Variants in KIAA2012 observed in about 807,000 individuals in gnomAD.
KIAA2012 encodes KIAA2012.
KIAA2012 carries 125 observed loss-of-function variants against 150.6 expected under a neutral mutation model. The ratio of observed to expected loss-of-function variants is 0.83; its 90% CI spans 0.72 to 0.96. The LOEUF (loss-of-function observed/expected upper bound fraction) is 0.96. KIAA2012 is among the 40% of genes least tolerant of loss of function. The probability of loss-of-function intolerance (pLI) is 0.00; values close to 1 mark genes in which losing one functional copy is unlikely to be tolerated. For synonymous variants in KIAA2012, 462 were observed against 504.7 expected (o/e 0.92, Z 1.13); for missense variants, 1,219 against 1,354.9 (o/e 0.90, Z 1.57).
intron 21 of KIAA2012, 129 bp downstream of exon 21, chr2:202,194,491 A>T (rs1692377905): frequency 4.4e-6 from 4 of 914,384 alleles, no homozygotes; most frequent in Middle Eastern, 7.0e-4. Flanking sequence ...AATATAAACT[A>T]TTTTTCAAAG....
In KIAA2012 at chr2:202,103,128, G is replaced by T; in HGVS notation, c.1324+14G>T. The stretch of plus-strand genomic sequence containing the variant: ...CCCACAGAAGAGGTAGGTCCCGGGT[G>T]CATGGGCACTCCTGAGGGAGAGCCT... On this transcript the variant is annotated intron_variant, in intron 8 of 23. Transcript: ENST00000498697. 1 of 1,549,566 alleles carries T rather than the reference G, an allele frequency of 6.5e-7. No individual in the cohort carries two copies. Among genetic ancestry groups the T allele is most frequent in the Non-Finnish European group, 8.7e-7 (1 of 1,146,810 alleles).
intron 11 of KIAA2012, chr2:202,114,540 G>C (rs930659825): frequency 6.6e-5 from 11 of 167,096 alleles, no homozygotes; most frequent in African/African-American, 2.7e-4. Context: ...CTGCACATTT[G>C]TCCACTCTGT....
chr2:202,166,608 G>T (rs1475485753), intron 15 of KIAA2012, among the ~76,000 whole-genome samples: 3 of 151,040 alleles, frequency 2.0e-5, no homozygotes, highest in African/African-American at 7.3e-5. Context: ...GCTGTGCTAT[G>T]ATCATGCCAC....
chr2:202,132,766 AC>A (rs1690977270), intron 12 of KIAA2012, among the ~76,000 whole-genome samples: 14 of 99,490 alleles, frequency 1.4e-4, no homozygotes, highest in Non-Finnish European at 2.1e-4. Flanking sequence ...GTATATATAT[AC>A]ATATATACAT....
At chr2:202,105,440 C>T (rs1327100784) in intron 8 of KIAA2012, among the ~76,000 whole-genome samples, 5 of 152,180 alleles carry the variant, frequency 3.3e-5, no homozygotes. Flanking sequence ...AGATGTCTTC[C>T]TGCAATTCCA....
intron 15 of KIAA2012, among the ~76,000 whole-genome samples, chr2:202,178,484 A>G (rs1176731952): frequency 1.3e-5 from 2 of 152,126 alleles, no homozygotes; most frequent in African/African-American, 4.8e-5. Flanking sequence ...TTCTAATCAC[A>G]ATGGAAGTTT....
intron 16 of KIAA2012, among the ~76,000 whole-genome samples, chr2:202,185,049 T>C (rs1289645404): frequency 6.6e-6 from 1 of 152,194 alleles, no homozygotes; most frequent in Non-Finnish European, 1.5e-5. Flanking sequence ...TAAATCATAT[T>C]TATTTGGCTG....
At chr2:202,096,077 A>T (rs548379396) in intron 4 of KIAA2012, among the ~76,000 whole-genome samples, 1 of 151,948 alleles carries the variant, frequency 6.6e-6, no homozygotes, top group Non-Finnish European at 1.5e-5. Context: ...GAGTGAGACT[A>T]CGTCCCCCGC....
At chr2:202,112,965 C>T (rs983312280) in intron 10 of KIAA2012, among the ~76,000 whole-genome samples, 1 of 152,142 alleles carries the variant, frequency 6.6e-6, no homozygotes, top group Admixed American at 6.5e-5. Flanking sequence ...AGGCAGGAAG[C>T]AGGAAGCCCT....
chr2:202,196,060 G>T (rs1692407248), intron 21 of KIAA2012, among the ~76,000 whole-genome samples: 2 of 152,144 alleles, frequency 1.3e-5, no homozygotes, highest in Admixed American at 1.3e-4. Flanking sequence ...TGGGATTGCT[G>T]GGTCCAGCCT....
Position 202,202,585 on chromosome 2 carries a change from AAAGT to A in KIAA2012, c.*20+3_*20+6del, listed in dbSNP as rs765321431. ...GGCCTTAAGGCTAGAAGAAAACTAA[AAAGT>A]AAGTTGGGAGATGGTGAAAGAAAAG... is the stretch of plus-strand genomic sequence containing the variant. On this transcript the variant is annotated splice_donor_variant and 3_prime_UTR_variant, in exon 23 of 24. Transcript: ENST00000498697. LOFTEE classifies it low-confidence loss of function (3UTR_SPLICE). 481 of 398,870 alleles carry A rather than the reference AAAGT, an allele frequency of 1.2e-3. No individual in the cohort carries two copies. The highest frequency in any genetic ancestry group is 1.7e-3 in the Non-Finnish European group (380 of 226,066). 24.7% of individuals were successfully genotyped at this position (398,870 alleles called of 1,614,324 possible). A position where few individuals can be genotyped will look rare whatever the true frequency, so the allele number is the denominator to read the frequency against.
rs557574312 is a variant in KIAA2012, at chr2:202,180,780, G to A, written c.2120-3973G>A. On this transcript the variant is annotated intron_variant, in intron 15 of 23. Transcript: ENST00000498697. ...GTAGAGGTTGTAGTGAGCCGAGATC[G>A]CACCACTGCACTCCAGCCTGGGCGA... Among the ~76,000 whole-genome samples, 12 of 152,218 alleles carry A rather than the reference G, an allele frequency of 7.9e-5. 1 individual carries two copies. In the South Asian group the frequency reaches 2.5e-3, roughly 32 times the overall value.
chr2:202,204,275 TC>T (rs1341268840), intron 23 of KIAA2012, among the ~76,000 whole-genome samples: 1 of 151,878 alleles, frequency 6.6e-6, no homozygotes, highest in Non-Finnish European at 1.5e-5. Flanking sequence ...TGGGGTTTCG[TC>T]ATGATGCTCA....
At chr2:202,137,337 G>C (rs1251770234) in intron 12 of KIAA2012, 1 of 127,946 alleles carries the variant, frequency 7.8e-6, no homozygotes, top group Non-Finnish European at 1.6e-5. Context: ...TTTTTTTTGA[G>C]ATGGAGTCTC....
At chr2:202,198,466 A>G (rs151266378) in intron 22 of KIAA2012, among the ~76,000 whole-genome samples, 60 of 152,324 alleles carry the variant, frequency 3.9e-4, no homozygotes, top group African/African-American at 7.5e-4. Context: ...TGGCCCCAAG[A>G]CCAGATCTAA....
At chr2:202,100,210 T>G in intron 6 of KIAA2012, 97 bp from the exon 7 acceptor site, 1 of 1,316,460 alleles carries the variant, frequency 7.6e-7, no homozygotes, top group Non-Finnish European at 1.0e-6. Flanking sequence ...CTGCCTGCCT[T>G]TCTCCCCATT....
At chr2:202,194,014 G>T (rs1303398267) in intron 20 of KIAA2012, among the ~76,000 whole-genome samples, 176 bp from the exon 21 acceptor site, 1 of 152,222 alleles carries the variant, frequency 6.6e-6, no homozygotes, top group Non-Finnish European at 1.5e-5. Flanking sequence ...CAAGCCCGCT[G>T]GGCTCTTTGC....
At chr2:202,141,070 A>G (rs1691187761) in intron 13 of KIAA2012, among the ~76,000 whole-genome samples, 2 of 152,180 alleles carry the variant, frequency 1.3e-5, no homozygotes, top group South Asian at 4.1e-4. Context: ...TTGGAGAGAA[A>G]GCCACAGGGT....
chr2:202,157,344 T>A (rs2105714293), intron 14 of KIAA2012, among the ~76,000 whole-genome samples: 1 of 152,320 alleles, frequency 6.6e-6, no homozygotes, highest in Middle Eastern at 3.4e-3. Flanking sequence ...CCTCCACACC[T>A]GGAGCTGTGT....
Sources: gnomAD v4.1 joint callset for allele counts (sites outside exome capture counted in the v4.1 genomes callset) on GRCh38, gnomAD v4.1.1 for gene constraint, MANE v1.5 for transcripts, NCBI Gene and HGNC (gene_info 2026-07-23, HGNC 2026-07-21) for gene names.